Variants in LARP1B observed in about 807,000 individuals in gnomAD.
LARP1B encodes the protein la-related protein 1B.
Under a neutral mutation model 114.2 loss-of-function variants are expected in LARP1B, and 76 were observed. The ratio of observed to expected loss-of-function variants is 0.67; its 90% CI spans 0.55 to 0.81. The LOEUF (loss-of-function observed/expected upper bound fraction) is 0.81, where lower values mean the gene tolerates loss of function less well. LARP1B is among the 30% of genes least tolerant of loss of function. The probability of loss-of-function intolerance (pLI) is 0.00; values close to 1 mark genes in which losing one functional copy is unlikely to be tolerated. For missense variants in LARP1B, 1,014 were observed against 1,075.8 expected (o/e 0.94, Z 0.80); for synonymous variants, 345 against 348.0 (o/e 0.99, Z 0.10).
chr4:128,103,183 T>A (rs146601205), intron 8 of LARP1B, among the ~76,000 whole-genome samples: 6 of 152,324 alleles, frequency 3.9e-5, no homozygotes, highest in African/African-American at 1.4e-4. Flanking sequence ...TATAACTCGA[T>A]GTTTCTTCTA....
chr4:128,084,817 CT>C (rs1772758075), intron 5 of LARP1B, among the ~76,000 whole-genome samples: 1 of 151,968 alleles, frequency 6.6e-6, no homozygotes, highest in Admixed American at 6.6e-5. Flanking sequence ...ACCCCTGTAA[CT>C]TTATTTGATT....
chr4:128,145,748 C>G (rs1272667649), intron 11 of LARP1B, among the ~76,000 whole-genome samples: 1 of 152,198 alleles, frequency 6.6e-6, no homozygotes, highest in Non-Finnish European at 1.5e-5. Context: ...TGGAGCCCAT[C>G]TTGTGAGCTC....
chr4:128,155,948 G>A lies in LARP1B; in HGVS notation c.1525-6246G>A. ...AAGGAGGGGTACACAGGCGGTACCA[G>A]CGGCACCAGCAGCCCGCCAGCCCCC... On this transcript the variant is annotated intron_variant, in intron 11 of 19. Coordinates refer to ENST00000326639, the MANE Select transcript of LARP1B (RefSeq NM_018078.4). 6 of 1,526,888 alleles carry A rather than the reference G, an allele frequency of 3.9e-6. No individual in the cohort carries two copies. The South Asian group carries it at 4.6e-5, about 12-fold the overall frequency. The allele number at this position is 1,526,888 out of a possible 1,614,324, so 94.6% of individuals were successfully genotyped here. A position where few individuals can be genotyped will look rare whatever the true frequency, so the allele number is the denominator to read the frequency against.
chr4:128,098,224 T>G lies in LARP1B; in HGVS notation c.707T>G (p.Phe236Cys), dbSNP rs765190259. The G allele has an allele frequency of 2.5e-6, 4 of 1,613,160 alleles. No homozygotes were observed. The Admixed American group carries it at 6.7e-5, about 27-fold the overall frequency. ...AGTGTAGAAAATTTGGAACGAGACT[T>G]CTTTCTTCGGGGAAAGATGGATGAA... ...YFSVENLERD[F>C]FLRGKMDEQG... is the part of the protein sequence containing the mutation. The change falls in exon 8 of 20, where the codon TTC becomes TGC. Residue 236 changes from phenylalanine to cysteine, a missense_variant. By Grantham distance (205) the Phe-to-Cys change is radical. Transcript: ENST00000326639.
intron 1 of LARP1B, among the ~76,000 whole-genome samples, chr4:128,064,062 A>C (rs367652351): frequency 7.0e-4 from 106 of 152,212 alleles, no homozygotes; most frequent in African/African-American, 2.4e-3. Context: ...ACCTGAGGTC[A>C]GGAGTTCGAG....
chr4:128,105,161 A>G (rs1267386899), intron 8 of LARP1B, among the ~76,000 whole-genome samples: 7 of 152,176 alleles, frequency 4.6e-5, no homozygotes, highest in Admixed American at 1.3e-4. Context: ...AAAATTAAAC[A>G]TAAGCATTAC....
At chr4:128,079,811 T>A (rs1378614587) in intron 4 of LARP1B, among the ~76,000 whole-genome samples, 1 of 152,024 alleles carries the variant, frequency 6.6e-6, no homozygotes. Flanking sequence ...GCGATCCATC[T>A]GCCTCAGCCT....
chr4:128,186,914 T>A (rs1750570376), intron 15 of LARP1B, among the ~76,000 whole-genome samples: 1 of 152,136 alleles, frequency 6.6e-6, no homozygotes, highest in Non-Finnish European at 1.5e-5. Context: ...GGGCTGCTGC[T>A]TCAGAGGGTG....
At chr4:128,093,978 T>TG (rs1364014469) in intron 7 of LARP1B, among the ~76,000 whole-genome samples, 3 of 152,092 alleles carry the variant, frequency 2.0e-5, no homozygotes, top group Non-Finnish European at 1.5e-5. Flanking sequence ...CCCAGAGTGC[T>TG]GGGATTACAG....
At chr4:128,104,644 C>T (rs1781444478) in intron 8 of LARP1B, among the ~76,000 whole-genome samples, 1 of 152,052 alleles carries the variant, frequency 6.6e-6, no homozygotes, top group South Asian at 2.1e-4. Context: ...CAGGGTTTCA[C>T]CATGTTGGCC....
intron 10 of LARP1B, among the ~76,000 whole-genome samples, chr4:128,120,136 T>C (rs1235619346): frequency 6.6e-6 from 1 of 152,188 alleles, no homozygotes; most frequent in Non-Finnish European, 1.5e-5. Context: ...CATCAGGGCA[T>C]AGTTGTTGTT....
At chr4:128,116,870 AAGTC>A (rs911028724) in intron 10 of LARP1B, among the ~76,000 whole-genome samples, 2 of 151,018 alleles carry the variant, frequency 1.3e-5, no homozygotes, top group African/African-American at 4.9e-5. Context: ...CATCTTATGA[AAGTC>A]AGTCCATTCA....
In LARP1B at chr4:128,162,197, G is replaced by T; in HGVS notation, c.1528G>T (p.Glu510Ter). 1.2e-6 allele frequency: 2 copies of T among 1,611,800 alleles called. No homozygotes were observed. Among genetic ancestry groups the T allele is most frequent in the Non-Finnish European group, 1.7e-6 (2 of 1,178,642 alleles). ...AGATTCCTCCATTCTACTTCAGCAA[G>T]AAGTTGAGAACTTTAAGAAGCTAAA... ...DENKHTAIKQ[E>*]VENFKKLNLI... Residue 510 changes from glutamate (E) to a stop codon, truncating the protein, a stop_gained, in exon 12 of 20, where the codon GAA becomes TAA. Coordinates refer to ENST00000326639, the MANE Select transcript of LARP1B (RefSeq NM_018078.4). LOFTEE classifies it high-confidence loss of function.
intron 11 of LARP1B, among the ~76,000 whole-genome samples, chr4:128,128,405 TAAACTG>T (rs973197651): frequency 6.6e-6 from 1 of 152,208 alleles, no homozygotes; most frequent in African/African-American, 2.4e-5. Flanking sequence ...AATACACTGT[TAAACTG>T]AAATGTATTT....
intron 1 of LARP1B, among the ~76,000 whole-genome samples, chr4:128,067,710 CT>C (rs66709998): frequency 0.64 from 93,189 of 145,080 alleles, 29,653 homozygotes; most frequent in Middle Eastern, 0.79. Context: ...TGGATACCTC[CT>C]TTTTTTTTTT....
chr4:128,216,809 G>A (rs889568138), downstream of LARP1B, among the ~76,000 whole-genome samples: 1 of 152,004 alleles, frequency 6.6e-6, no homozygotes, highest in Admixed American at 6.6e-5. Flanking sequence ...CAGAACTGAA[G>A]GAAATAGAGA....
At position 128,210,850 on chromosome 4, in the gene LARP1B, G is replaced by T; in HGVS notation, c.*797G>T. 1 of 984,538 alleles carries T rather than the reference G, an allele frequency of 1.0e-6. No homozygotes were observed. Among genetic ancestry groups the T allele is most frequent in the Non-Finnish European group, 1.2e-6 (1 of 829,256 alleles). 61.0% of individuals were successfully genotyped at this position (984,538 alleles called of 1,614,324 possible). On this transcript the variant is annotated 3_prime_UTR_variant, in exon 20 of 20. Coordinates refer to ENST00000326639, the MANE Select transcript of LARP1B (RefSeq NM_018078.4). ...CACGAGTAATTTAAAACCTGCATTGGGATTGATTGGAATATTGTCCTAAAT... is the reference window on the plus strand; with the variant it reads ...CACGAGTAATTTAAAACCTGCATTGTGATTGATTGGAATATTGTCCTAAAT...
At position 128,064,537 on chromosome 4, in the gene LARP1B, G is replaced by A. The variant is rs565996707; in HGVS notation, c.-78+3136G>A. On this transcript the variant is annotated intron_variant, in intron 1 of 19. Coordinates refer to ENST00000326639, the MANE Select transcript of LARP1B (RefSeq NM_018078.4). ...CCTATTACTAACTAAAGAGAACATG[G>A]TTAAGTGAAGACCTCATAAAGTTTT... Among the ~76,000 whole-genome samples the A allele has an allele frequency of 2.0e-5, 3 of 152,252 alleles. No individual in the cohort carries two copies. In the South Asian group the frequency reaches 6.2e-4, roughly 32 times the overall value.
At chr4:128,159,178 A>G (rs63085365) in intron 11 of LARP1B, among the ~76,000 whole-genome samples, 199 of 140,554 alleles carry the variant, frequency 1.4e-3, no homozygotes, top group Middle Eastern at 7.3e-3. Flanking sequence ...GTCTCTAGGG[A>G]AAAAAAAAAA....
Sources: gnomAD v4.1 joint callset for allele counts (sites outside exome capture counted in the v4.1 genomes callset) on GRCh38, gnomAD v4.1.1 for gene constraint, MANE v1.5 for transcripts, NCBI Gene and HGNC (gene_info 2026-07-23, HGNC 2026-07-21) for gene names.